Variants in SND1 observed in about 807,000 individuals in gnomAD.
The protein encoded by SND1 is staphylococcal nuclease domain-containing protein 1.
SND1 carries 38 observed loss-of-function variants against 121.7 expected under a neutral mutation model. The observed-to-expected ratio is 0.31, with a 90% CI of 0.24 to 0.41. The LOEUF (loss-of-function observed/expected upper bound fraction) is 0.41, where lower values mean the gene tolerates loss of function less well. SND1 is among the 10% of genes least tolerant of loss of function. The pLI, the probability that SND1 is intolerant of heterozygous loss-of-function variation, is 1.00. For missense variants in SND1, 868 were observed against 1,184.6 expected, an observed-to-expected ratio of 0.73 and a Z score of 3.92; for synonymous variants, 401 against 447.4, an observed-to-expected ratio of 0.90 and a Z score of 1.31.
At chr7:127,878,463 T>TTA (rs1243900721) in intron 12 of SND1, among the ~76,000 whole-genome samples, 1 of 152,190 alleles carries the variant, frequency 6.6e-6, no homozygotes, top group Admixed American at 6.6e-5. Flanking sequence ...TTGTCAAAGG[T>TTA]TATAGACAAT....
chr7:128,066,879 C>T (rs1793324903), intron 16 of SND1, among the ~76,000 whole-genome samples: 1 of 152,172 alleles, frequency 6.6e-6, no homozygotes, highest in Non-Finnish European at 1.5e-5. Context: ...CAGAACACTA[C>T]TCACATTCTT....
rs1351440744 is a variant in SND1, at chr7:127,686,801, A to G, written c.228+39A>G. ...GAGGCCATCGTGAGCCTGTGGACCT[A>G]GGTAATAGCCCACTGTCTTCTGTCG... On this transcript the variant is annotated intron_variant, in intron 2 of 23. Coordinates refer to ENST00000354725, the MANE Select transcript of SND1 (RefSeq NM_014390.4). 4 of 1,592,202 alleles carry G rather than the reference A, an allele frequency of 2.5e-6. No homozygotes were observed. The Admixed American group carries it at 6.8e-5, about 27-fold the overall frequency.
At chr7:127,687,766 C>T (rs1795840714) in intron 2 of SND1, among the ~76,000 whole-genome samples, 1 of 152,154 alleles carries the variant, frequency 6.6e-6, no homozygotes, top group Non-Finnish European at 1.5e-5. Context: ...TCACTGTAGT[C>T]TCAACCTCCC....
At chr7:127,808,891 T>TCTTC (rs1798287576) in intron 11 of SND1, among the ~76,000 whole-genome samples, 1 of 152,258 alleles carries the variant, frequency 6.6e-6, no homozygotes, top group Non-Finnish European at 1.5e-5. Flanking sequence ...CCAAGGAATT[T>TCTTC]CTTCACAAGT....
chr7:127,852,411 C>T (rs988299539), intron 12 of SND1, among the ~76,000 whole-genome samples: 2 of 150,926 alleles, frequency 1.3e-5, no homozygotes, highest in African/African-American at 2.4e-5. Flanking sequence ...TCGCTTGAAC[C>T]CTGGAGGCAG....
chr7:128,064,077 C>T (rs898356798), intron 16 of SND1, among the ~76,000 whole-genome samples: 14 of 152,094 alleles, frequency 9.2e-5, no homozygotes, highest in African/African-American at 3.4e-4. Context: ...TTATTGAGCA[C>T]TTACTATTCG....
intron 15 of SND1, among the ~76,000 whole-genome samples, chr7:127,940,761 G>A (rs1255363836): frequency 6.6e-6 from 1 of 152,182 alleles, no homozygotes; most frequent in Non-Finnish European, 1.5e-5. Context: ...CAGATGGGCT[G>A]GATCTGTTAG....
chr7:127,964,735 C>T (rs1168688933), intron 15 of SND1, among the ~76,000 whole-genome samples: 10 of 144,450 alleles, frequency 6.9e-5, no homozygotes, highest in African/African-American at 2.4e-4. Context: ...CTTGGCTATG[C>T]GGGCTGTTTT....
At chr7:127,894,823 T>TC (rs1800085567) in intron 13 of SND1, among the ~76,000 whole-genome samples, 1 of 151,744 alleles carries the variant, frequency 6.6e-6, no homozygotes, top group African/African-American at 2.4e-5. Context: ...TTTTTTTTTT[T>TC]TCTTTTAAGT....
chr7:128,012,007 C>T (rs1420231037), intron 16 of SND1, among the ~76,000 whole-genome samples: 1 of 152,070 alleles, frequency 6.6e-6, no homozygotes. Flanking sequence ...TATATACATA[C>T]ATTTTATATA....
At chr7:127,998,750 G>A (rs1393037004) in intron 16 of SND1, 2 of 152,226 alleles carry the variant, frequency 1.3e-5, no homozygotes, top group African/African-American at 4.8e-5. Context: ...AGGTAGAAAT[G>A]TACCATGGGG....
At chr7:128,084,041 G>GGGACA (rs979587144) in intron 18 of SND1, among the ~76,000 whole-genome samples, 2 of 152,208 alleles carry the variant, frequency 1.3e-5, no homozygotes, top group Non-Finnish European at 2.9e-5. Flanking sequence ...GTAGCAGGGT[G>GGGACA]GGACAGTACA....
chr7:128,019,916 C>T (rs911281809), intron 16 of SND1, among the ~76,000 whole-genome samples: 4 of 152,156 alleles, frequency 2.6e-5, no homozygotes, highest in African/African-American at 9.7e-5. Context: ...CTTGCTTACA[C>T]AACACTAGGA....
At chr7:127,683,375 C>T (rs939929228) in intron 1 of SND1, among the ~76,000 whole-genome samples, 1 of 152,078 alleles carries the variant, frequency 6.6e-6, no homozygotes, top group African/African-American at 2.4e-5. Context: ...ACCACCACAC[C>T]CAGCTACTTT....
chr7:127,777,632 T>C (rs1362054850), intron 10 of SND1, among the ~76,000 whole-genome samples: 1 of 152,204 alleles, frequency 6.6e-6, no homozygotes, highest in Non-Finnish European at 1.5e-5. Context: ...TGATATACTT[T>C]AGTGTGGAAA....
At position 127,793,315 on chromosome 7, in the gene SND1, G is replaced by A. The variant is rs114413959; in HGVS notation, c.1153-14169G>A. Among the ~76,000 whole-genome samples, 97 of 152,288 alleles carry A rather than the reference G, an allele frequency of 6.4e-4. 1 individual carries two copies. Among genetic ancestry groups the A allele is most frequent in the African/African-American group, 2.2e-3 (93 of 41,550 alleles). On this transcript the variant is annotated intron_variant, in intron 10 of 23. Transcript: ENST00000354725. ...TGCTCTGACATATGTGATATCGGGCGTGTTATTTCTCTGGGCACCTAACTT... is the reference window on the plus strand; with the variant it reads ...TGCTCTGACATATGTGATATCGGGCATGTTATTTCTCTGGGCACCTAACTT...
At chr7:127,951,901 A>G (rs1436763283) in intron 15 of SND1, among the ~76,000 whole-genome samples, 1 of 152,178 alleles carries the variant, frequency 6.6e-6, no homozygotes, top group Non-Finnish European at 1.5e-5. Flanking sequence ...ACTTATTTGG[A>G]CCTGCATGTT....
chr7:128,084,071 G>T (rs569446013), intron 18 of SND1, among the ~76,000 whole-genome samples: 3 of 152,342 alleles, frequency 2.0e-5, no homozygotes, highest in African/African-American at 7.2e-5. Flanking sequence ...CAGCAGCACT[G>T]GAAGTCCTGT....
chr7:128,040,920 C>T (rs551841375), intron 16 of SND1, among the ~76,000 whole-genome samples: 1 of 152,354 alleles, frequency 6.6e-6, no homozygotes, highest in South Asian at 2.1e-4. Flanking sequence ...ATGCCTCCAG[C>T]TTGAGCTATG....
Sources: gnomAD v4.1 joint callset for allele counts (sites outside exome capture counted in the v4.1 genomes callset) on GRCh38, gnomAD v4.1.1 for gene constraint, MANE v1.5 for transcripts, NCBI Gene and HGNC (gene_info 2026-07-23, HGNC 2026-07-21) for gene names.